Variants in EEA1 observed in about 807,000 individuals in gnomAD.
EEA1 encodes early endosome antigen 1.
Under a neutral mutation model 209.2 loss-of-function variants are expected in EEA1, and 111 were observed. That is an observed-to-expected ratio of 0.53 (90% confidence interval 0.45 to 0.62). The LOEUF is 0.62. EEA1 is among the 20% of genes least tolerant of loss of function. The probability of loss-of-function intolerance (pLI) is 0.00; values close to 1 mark genes in which losing one functional copy is unlikely to be tolerated. For synonymous variants in EEA1, 536 were observed against 540.6 expected (o/e 0.99, Z 0.12); for missense variants, 1,343 against 1,530.8 (o/e 0.88, Z 2.05).
rs1394199622 is a variant in EEA1, at chr12:92,771,632, C to T, written c.*4379G>A. 1.3e-5 allele frequency: 2 copies of T among 151,784 alleles called. No homozygotes were observed. The highest frequency in any genetic ancestry group is 2.9e-5 in the Non-Finnish European group (2 of 67,868). The allele number at this position is 151,784 out of a possible 1,614,324, so 9.4% of individuals were successfully genotyped here. A position where few individuals can be genotyped will look rare whatever the true frequency, so the allele number is the denominator to read the frequency against. ...GGATGGGACTGAAAGCAGTTATGTC[C>T]AGGAGAATACAATATAGATTATGCA... On this transcript the variant is annotated 3_prime_UTR_variant, in exon 29 of 29. Coordinates refer to ENST00000322349, the MANE Select transcript of EEA1 (RefSeq NM_003566.4).
chr12:92,809,556 G>A (rs566166885), intron 17 of EEA1, among the ~76,000 whole-genome samples: 13 of 150,100 alleles, frequency 8.7e-5, no homozygotes, highest in African/African-American at 2.5e-4. Flanking sequence ...TTAGCCAGGC[G>A]TGGTGGCCGG....
At chr12:92,867,300 A>G (rs995905844) in intron 2 of EEA1, among the ~76,000 whole-genome samples, 10 of 152,130 alleles carry the variant, frequency 6.6e-5, no homozygotes, top group Admixed American at 5.9e-4. Flanking sequence ...CACCCTCATT[A>G]GCTTGTCAAG....
intron 24 of EEA1, 61 bp downstream of exon 24, chr12:92,780,219 A>G (rs1181443649): frequency 6.6e-7 from 1 of 1,504,174 alleles, no homozygotes; most frequent in African/African-American, 1.4e-5. Flanking sequence ...GTATGGGTAT[A>G]TATATTTCTT....
At chr12:92,854,768 A>C (rs2136712110) in intron 5 of EEA1, among the ~76,000 whole-genome samples, 1 of 152,308 alleles carries the variant, frequency 6.6e-6, no homozygotes, top group Non-Finnish European at 1.5e-5. Context: ...TTTGGATGCC[A>C]TCTCTCCAGA....
At chr12:92,780,457 T>C (rs1873858080) in intron 23 of EEA1, 46 bp from the exon 24 acceptor site, 1 of 1,276,540 alleles carries the variant, frequency 7.8e-7, no homozygotes, top group African/African-American at 1.5e-5. Flanking sequence ...AGCAAATACT[T>C]AAATGAAAAT....
At chr12:92,857,745 C>T (rs1877944974) in intron 3 of EEA1, among the ~76,000 whole-genome samples, 1 of 152,188 alleles carries the variant, frequency 6.6e-6, no homozygotes, top group Non-Finnish European at 1.5e-5. Flanking sequence ...GTGCCCAAGC[C>T]AAGAGGCAAA....
At chr12:92,898,690 A>T in intron 1 of EEA1, among the ~76,000 whole-genome samples, 1 of 132,356 alleles carries the variant, frequency 7.6e-6, no homozygotes. Flanking sequence ...AAGGAACATT[A>T]CTTGTGTAAC....
chr12:92,900,590 ATG>A (rs931155249), intron 1 of EEA1, among the ~76,000 whole-genome samples: 1 of 152,026 alleles, frequency 6.6e-6, no homozygotes, highest in African/African-American at 2.4e-5. Context: ...TGATACACTC[ATG>A]GATGTGGCAA....
chr12:92,774,565 A>C lies in EEA1; in HGVS notation c.*1446T>G, dbSNP rs1331215443. 6.6e-6 allele frequency: 1 copy of C among 151,714 alleles called. No homozygotes were observed. The highest frequency in any genetic ancestry group is 1.5e-5 in the Non-Finnish European group (1 of 67,650). The allele number at this position is 151,714 out of a possible 1,614,324, so 9.4% of individuals were successfully genotyped here. ...AATAACTTCTCTCTTGAGATGTTTT[A>C]CAATTTTCCAAATTAATAAGACTAT... On this transcript the variant is annotated 3_prime_UTR_variant, in exon 29 of 29. Coordinates refer to ENST00000322349, the MANE Select transcript of EEA1 (RefSeq NM_003566.4).
At chr12:92,783,670 C>T (rs992564984) in intron 22 of EEA1, among the ~76,000 whole-genome samples, 9 of 152,080 alleles carry the variant, frequency 5.9e-5, no homozygotes, top group African/African-American at 2.2e-4. Flanking sequence ...AGCTTTTTCA[C>T]TCATGACACT....
intron 1 of EEA1, among the ~76,000 whole-genome samples, chr12:92,906,594 C>T (rs753987750): frequency 2.3e-4 from 35 of 152,202 alleles, no homozygotes; most frequent in South Asian, 1.7e-3. Flanking sequence ...GGGCGGATCA[C>T]GAGGTCAGGA....
At chr12:92,877,766 G>C (rs1403653139) in intron 2 of EEA1, among the ~76,000 whole-genome samples, 3 of 152,168 alleles carry the variant, frequency 2.0e-5, no homozygotes, top group Non-Finnish European at 4.4e-5. Context: ...GCCTCCCAAA[G>C]TGTTTGGATT....
At chr12:92,851,554 T>C (rs1690659573) in intron 8 of EEA1, among the ~76,000 whole-genome samples, 2 of 152,298 alleles carry the variant, frequency 1.3e-5, no homozygotes, top group South Asian at 4.1e-4. Context: ...CTATTGGTCA[T>C]AACAGTGACT....
At chr12:92,877,134 C>CT (rs111935498) in intron 2 of EEA1, among the ~76,000 whole-genome samples, 1,400 of 129,652 alleles carry the variant, frequency 0.011, 1 homozygote, top group East Asian at 0.029. Flanking sequence ...TTTCTTTTTT[C>CT]TTTTTTTTTT....
intron 1 of EEA1, among the ~76,000 whole-genome samples, 166 bp downstream of exon 1, chr12:92,928,877 C>T (rs1406946520): frequency 2.7e-5 from 4 of 150,386 alleles, no homozygotes; most frequent in African/African-American, 2.4e-5. Context: ...GCCGGCCCCA[C>T]CCGCCCTCCC....
At position 92,787,954 on chromosome 12, in the gene EEA1, A is replaced by G. The variant is rs759679903; in HGVS notation, c.3063T>C (p.Tyr1021=). The change falls in exon 22 of 29, where the codon TAT becomes TAC. Residue 1021 remains tyrosine (Y), a synonymous_variant. Transcript: ENST00000322349. The part of the protein sequence containing the change: ...KEKISVLQNN[Y]EKSQETFKQL... ...GTTTGAAAGTTTCCTGACTTTTTTC[A>G]TAGTTGTTTTGTAATACTGATATTT... The G allele has an allele frequency of 5.0e-6, 8 of 1,613,194 alleles. No homozygotes were observed. The highest frequency in any genetic ancestry group is 1.1e-5 in the South Asian group (1 of 90,974).
In EEA1 at chr12:92,773,734, A is replaced by T. The variant is rs1873526882; in HGVS notation, c.*2277T>A. On this transcript the variant is annotated 3_prime_UTR_variant, in exon 29 of 29. Coordinates refer to ENST00000322349, the MANE Select transcript of EEA1 (RefSeq NM_003566.4). ...GGACTTCAAAGATGACTTTTTAATT[A>T]AAAGGAAAAAAATTTAAATTTTTAT... 6.6e-6 allele frequency: 1 copy of T among 151,670 alleles called. No individual in the cohort carries two copies. The highest frequency in any genetic ancestry group is 1.5e-5 in the Non-Finnish European group (1 of 67,636). The allele number at this position is 151,670 out of a possible 1,614,324, so 9.4% of individuals were successfully genotyped here.
intron 10 of EEA1, among the ~76,000 whole-genome samples, chr12:92,834,546 T>TAAAAAAAAAAA (rs5800089): frequency 1.3e-5 from 1 of 74,424 alleles, no homozygotes. Context: ...ACCCTGTCAC[T>TAAAAAAAAAAA]AAAAAAAAAA....
intron 1 of EEA1, among the ~76,000 whole-genome samples, chr12:92,910,010 G>T (rs1880518625): frequency 6.6e-6 from 1 of 152,066 alleles, no homozygotes; most frequent in South Asian, 2.1e-4. Flanking sequence ...AGGTGTGGTA[G>T]CAGCCACCTG....
Sources: allele counts gnomAD v4.1 joint callset (sites outside exome capture counted in the v4.1 genomes callset), GRCh38; gene constraint gnomAD v4.1.1; transcripts MANE v1.5; gene names NCBI Gene and HGNC (gene_info 2026-07-23, HGNC 2026-07-21).